The following MECR variants were observed in gnomAD, a reference collection of about 807,000 sequenced individuals.
MECR encodes the protein enoyl-[acyl-carrier-protein] reductase, mitochondrial.
In MECR, 37 loss-of-function variants were observed where a neutral mutation model predicts 49.1. The ratio of observed to expected loss-of-function variants is 0.75; its 90% confidence interval spans 0.58 to 0.99. The LOEUF (loss-of-function observed/expected upper bound fraction) is 0.99, where lower values mean the gene tolerates loss of function less well. Among genes scored for constraint, MECR ranks in the 50% least tolerant of loss-of-function variants. The pLI is 0.00. For missense variants in MECR, 470 were observed against 479.6 expected, an observed-to-expected ratio of 0.98 and a Z score of 0.19; for synonymous variants, 198 against 191.1, an observed-to-expected ratio of 1.04 and a Z score of -0.30.
chr1:29,193,402 T>C lies in MECR; in HGVS notation c.*620A>G, dbSNP rs1033673761. 1.6e-5 allele frequency: 3 copies of C among 185,720 alleles called. No homozygotes were observed. The highest frequency in any genetic ancestry group is 4.3e-5 in the Admixed American group (1 of 23,414). 11.5% of individuals were successfully genotyped at this position (185,720 alleles called of 1,614,324 possible). Reference sequence around the variant, plus strand: ...TGTCAAATGTCTCCTGGGGGTAAAATTGCCTCTGGTTGAGAACCACTGGTA... The same window carrying C: ...TGTCAAATGTCTCCTGGGGGTAAAACTGCCTCTGGTTGAGAACCACTGGTA... On this transcript the variant is annotated 3_prime_UTR_variant, in exon 10 of 10. Transcript: ENST00000263702.
the MECR span, among the ~76,000 whole-genome samples, chr1:29,179,673 TTTC>T: frequency 6.6e-6 from 1 of 152,200 alleles, no homozygotes; most frequent in African/African-American, 2.4e-5. Context: ...GAAACCTAAA[TTTC>T]TTCACTTCAA....
At chr1:29,218,186 G>A (rs560066544) in intron 1 of MECR, among the ~76,000 whole-genome samples, 37 of 152,290 alleles carry the variant, frequency 2.4e-4, no homozygotes, top group African/African-American at 8.9e-4. Context: ...CTGCAAGAAG[G>A]CTTTTGAGGG....
chr1:29,204,917 G>T lies in MECR; in HGVS notation c.551-1684C>A, dbSNP rs78270202. Among the ~76,000 whole-genome samples, 989 of 152,388 alleles carry T rather than the reference G, an allele frequency of 6.5e-3. 22 individuals are homozygous for T. The highest frequency in any genetic ancestry group is 0.045 in the Admixed American group (691 of 15,304). On this transcript the variant is annotated intron_variant, in intron 4 of 9. Coordinates refer to ENST00000263702, the MANE Select transcript of MECR (RefSeq NM_016011.5). ...TATTTCTCTTGTGGGAACTGGCATC[G>T]GCTTTCAGCCAGGCCTTGGACAGTG...
At chr1:29,223,415 C>T (rs1006026114) in intron 1 of MECR, 4 of 321,398 alleles carry the variant, frequency 1.2e-5, no homozygotes, top group South Asian at 2.5e-4. Flanking sequence ...ATCTTTCCTG[C>T]GTTCCACATT....
At chr1:29,177,367 T>C in the MECR span, among the ~76,000 whole-genome samples, 100 of 151,722 alleles carry the variant, frequency 6.6e-4, no homozygotes, top group African/African-American at 2.0e-3. Context: ...CCGCAACCTA[T>C]GCCTCTGAGG....
the MECR span, chr1:29,169,527 C>G: frequency 6.6e-6 from 1 of 152,188 alleles, no homozygotes; most frequent in Non-Finnish European, 1.5e-5. Flanking sequence ...TTATTCTCTA[C>G]AAGTGGAACC....
chr1:29,222,180 G>A (rs751287700), intron 1 of MECR, among the ~76,000 whole-genome samples: 5 of 152,130 alleles, frequency 3.3e-5, no homozygotes, highest in Non-Finnish European at 7.4e-5. Flanking sequence ...TGCAAGCTCC[G>A]CCTCCCGGGT....
chr1:29,219,755 A>T (rs768596259), intron 1 of MECR, among the ~76,000 whole-genome samples: 2 of 152,368 alleles, frequency 1.3e-5, no homozygotes, highest in South Asian at 4.1e-4. Flanking sequence ...TTTCTGCAGC[A>T]AAATGTAGGA....
chr1:29,203,050 G>A, intron 5 of MECR, 81 bp downstream of exon 5: 1 of 1,197,608 alleles, frequency 8.3e-7, no homozygotes, highest in Non-Finnish European at 1.2e-6. Context: ...GCGCCCTCTG[G>A]TGGACAACTG....
rs1673244175 is a variant in MECR, at chr1:29,193,305, C to G, written c.*717G>C. ...TCCTGTGGTGGGTTTAACAGCAGCA[C>G]TCACTCTGCCTGCTAGATGCCAGTA... On this transcript the variant is annotated 3_prime_UTR_variant, in exon 10 of 10. Transcript: ENST00000263702. The G allele has an allele frequency of 5.4e-6, 1 of 186,350 alleles. No individual in the cohort carries two copies. The highest frequency in any genetic ancestry group is 1.4e-4 in the South Asian group (1 of 7,002). The allele number at this position is 186,350 out of a possible 1,614,324, so 11.5% of individuals were successfully genotyped here.
rs766826973 is a variant in MECR, at chr1:29,205,850, C to T, written c.550+912G>A. Among the ~76,000 whole-genome samples the T allele has an allele frequency of 6.6e-4, 100 of 152,128 alleles. 2 individuals are homozygous for T. The highest frequency in any genetic ancestry group is 5.9e-4 in the Non-Finnish European group (40 of 67,984). ...AAAAACAGCCGGAGCAGTAGTTGCCCGCAGCAGTAACCGGGCTTCATGGGC... is the reference window on the plus strand; with the variant it reads ...AAAAACAGCCGGAGCAGTAGTTGCCTGCAGCAGTAACCGGGCTTCATGGGC... On this transcript the variant is annotated intron_variant, in intron 4 of 9. Coordinates refer to ENST00000263702, the MANE Select transcript of MECR (RefSeq NM_016011.5).
chr1:29,197,990 A>G (rs1031068425), intron 7 of MECR, among the ~76,000 whole-genome samples: 2 of 152,170 alleles, frequency 1.3e-5, no homozygotes, highest in Admixed American at 6.5e-5. Flanking sequence ...GGTTTCATGG[A>G]AGACAATTTT....
chr1:29,197,809 A>G (rs780855062), intron 7 of MECR, among the ~76,000 whole-genome samples: 6 of 152,208 alleles, frequency 3.9e-5, no homozygotes, highest in Non-Finnish European at 5.9e-5. Context: ...GGCTTCTACT[A>G]TGTGCCAGGC....
intron 5 of MECR, 38 bp downstream of exon 5, chr1:29,203,093 A>C: frequency 6.6e-7 from 1 of 1,504,148 alleles, no homozygotes; most frequent in Non-Finnish European, 9.0e-7. Flanking sequence ...GGAAAGACCC[A>C]AGACATGGTC....
rs777964223 is a variant in MECR, at chr1:29,230,880, C to G, written c.27G>C (p.Arg9=). ...GCCACTGCCGGGCGGGGGTTCGCAC[C>G]CGCCACAGGGTACTGCAGACCCACA... MWVCSTLW[R]VRTPARQWRG... The change falls in exon 1 of 10, where the codon CGG becomes CGC. Residue 9 remains arginine, a synonymous_variant. Transcript: ENST00000263702. 1 of 1,609,362 alleles carries G rather than the reference C, an allele frequency of 6.2e-7. No homozygotes were observed. Among genetic ancestry groups the G allele is most frequent in the East Asian group, 2.2e-5 (1 of 44,868 alleles).
At chr1:29,187,182 A>ACAGCCT in the MECR span, among the ~76,000 whole-genome samples, 4 of 152,192 alleles carry the variant, frequency 2.6e-5, no homozygotes, top group African/African-American at 7.2e-5. Flanking sequence ...ATGCACAAGT[A>ACAGCCT]CAGCCTGGCA....
At chr1:29,172,870 A>C in the MECR span, 1 of 152,202 alleles carries the variant, frequency 6.6e-6, no homozygotes, top group Non-Finnish European at 1.5e-5. Flanking sequence ...GACCAAAAAA[A>C]AGGTAGACAA....
the MECR span, chr1:29,182,090 G>C: frequency 1.3e-5 from 3 of 224,756 alleles, no homozygotes; most frequent in Non-Finnish European, 2.6e-5. Flanking sequence ...CTCGCCAAAG[G>C]GGTTCCTGCA....
At chr1:29,223,869 G>C (rs1274601548) in intron 1 of MECR, 1 of 152,194 alleles carries the variant, frequency 6.6e-6, no homozygotes, top group East Asian at 1.9e-4. Context: ...CTGGGCTCTC[G>C]GGGAGAGCTC....
Sources: allele counts gnomAD v4.1 joint callset (sites outside exome capture counted in the v4.1 genomes callset), GRCh38; gene constraint gnomAD v4.1.1; transcripts MANE v1.5; gene names NCBI Gene and HGNC (gene_info 2026-07-23, HGNC 2026-07-21).